The following ARFGAP3 variants were observed in gnomAD, a reference collection of about 807,000 sequenced individuals.
The protein encoded by ARFGAP3 is ADP-ribosylation factor GTPase-activating protein 3.
Under a neutral mutation model 75.0 loss-of-function variants are expected in ARFGAP3, and 72 were observed. The observed-to-expected ratio is 0.96, with a 90% CI of 0.79 to 1.17. The LOEUF is 1.17. Ranked by LOEUF, ARFGAP3 falls within the 50% of genes most tolerant of loss-of-function variation. The pLI, the probability that ARFGAP3 is intolerant of heterozygous loss-of-function variation, is 0.00. For missense variants in ARFGAP3, 620 were observed against 626.6 expected, an observed-to-expected ratio of 0.99 and a Z score of 0.11; for synonymous variants, 221 against 217.9, an observed-to-expected ratio of 1.01 and a Z score of -0.13.
chr22:42,831,871 C>T (rs1287409168), intron 5 of ARFGAP3: 3 of 382,404 alleles, frequency 7.8e-6, no homozygotes, highest in Non-Finnish European at 7.2e-6. Flanking sequence ...GAGCCTTGAC[C>T]TCCCAGGCTC....
intron 3 of ARFGAP3, among the ~76,000 whole-genome samples, chr22:42,837,336 A>T (rs911878728): frequency 6.6e-6 from 1 of 151,770 alleles, no homozygotes; most frequent in African/African-American, 2.4e-5. Context: ...AATAAGAAAC[A>T]CTGGCTGGGC....
rs985496618 is a variant in ARFGAP3, at chr22:42,796,871, G to C, written c.*717C>G. On this transcript the variant is annotated 3_prime_UTR_variant, in exon 16 of 16. Transcript: ENST00000263245. ...TGTATACCGTATTGATTTGTGATGA[G>C]ATGATTTATTATGAGAACTCTTAGG... The C allele has an allele frequency of 7.2e-5, 11 of 152,268 alleles. No homozygotes were observed. The highest frequency in any genetic ancestry group is 6.5e-4 in the Admixed American group (10 of 15,286). 9.4% of individuals were successfully genotyped at this position (152,268 alleles called of 1,614,324 possible).
intron 2 of ARFGAP3, among the ~76,000 whole-genome samples, chr22:42,843,767 G>A (rs1926886044): frequency 1.3e-5 from 2 of 152,146 alleles, no homozygotes; most frequent in South Asian, 2.1e-4. Context: ...CATGAAATAC[G>A]TAACGGCAAA....
rs116222855 is a variant in ARFGAP3, at chr22:42,814,120, G to A, written c.1064+3022C>T. On this transcript the variant is annotated intron_variant, in intron 11 of 15. Transcript: ENST00000263245. ...CTTGTACTCAATATATAATTATACT[G>A]TTTATATCCTAGAAATAATGGAACT... Among the ~76,000 whole-genome samples, 255 of 152,090 alleles carry A rather than the reference G, an allele frequency of 1.7e-3. 1 individual carries two copies. Among genetic ancestry groups the A allele is most frequent in the African/African-American group, 5.8e-3 (241 of 41,482 alleles).
At chr22:42,817,692 T>A in intron 10 of ARFGAP3, 37 bp downstream of exon 10, 2 of 1,524,846 alleles carry the variant, frequency 1.3e-6, no homozygotes, top group Non-Finnish European at 1.8e-6. Flanking sequence ...TGACACACTG[T>A]TTTAAATTCT....
chr22:42,801,567 C>G (rs372513728), intron 14 of ARFGAP3, among the ~76,000 whole-genome samples: 2 of 152,214 alleles, frequency 1.3e-5, no homozygotes, highest in African/African-American at 4.8e-5. Context: ...AAGGCTTGTG[C>G]TGGAGGCGGA....
In ARFGAP3 at chr22:42,823,823, T is replaced by G; in HGVS notation, c.626-121A>C. 2.5e-6 allele frequency: 3 copies of G among 1,204,596 alleles called. No homozygotes were observed. The South Asian group carries it at 5.9e-5, about 24-fold the overall frequency. The allele number at this position is 1,204,596 out of a possible 1,614,324, so 74.6% of individuals were successfully genotyped here. A position where few individuals can be genotyped will look rare whatever the true frequency, so the allele number is the denominator to read the frequency against. On this transcript the variant is annotated intron_variant, in intron 7 of 15. Coordinates refer to ENST00000263245, the MANE Select transcript of ARFGAP3 (RefSeq NM_014570.5). ...TTAAGAGATGATAACATTTTCCACTTTAGTTTCTCATCCAGAAGACTCAAG... is the reference window on the plus strand; with the variant it reads ...TTAAGAGATGATAACATTTTCCACTGTAGTTTCTCATCCAGAAGACTCAAG...
chr22:42,822,285 G>A lies in ARFGAP3; in HGVS notation c.797C>T (p.Ser266Phe). ...KEQEDLAKVV[S>F]KEESIVSSLR... ...TTAAACTTACATTGATTCTTCTTTA[G>A]ATACCACCTTGGCCAGGTCTTCCTG... The change falls in exon 9 of 16, where the codon TCT becomes TTT. Residue 266 changes from serine to phenylalanine, a missense_variant. Coordinates refer to ENST00000263245, the MANE Select transcript of ARFGAP3 (RefSeq NM_014570.5). 1 of 1,613,008 alleles carries A rather than the reference G, an allele frequency of 6.2e-7. No homozygotes were observed. Among genetic ancestry groups the A allele is most frequent in the South Asian group, 1.1e-5 (1 of 90,998 alleles).
At chr22:42,848,973 C>T (rs1927148856) in intron 1 of ARFGAP3, among the ~76,000 whole-genome samples, 1 of 152,202 alleles carries the variant, frequency 6.6e-6, no homozygotes, top group South Asian at 2.1e-4. Flanking sequence ...TCCCTCCCCA[C>T]CTTGGATCAC....
At chr22:42,845,145 A>G (rs1412665816) in intron 2 of ARFGAP3, among the ~76,000 whole-genome samples, 1 of 152,222 alleles carries the variant, frequency 6.6e-6, no homozygotes, top group Admixed American at 6.5e-5. Flanking sequence ...GAAGGAAGAG[A>G]AGTAACTAGG....
intron 9 of ARFGAP3, among the ~76,000 whole-genome samples, chr22:42,821,588 A>G (rs1395968401): frequency 6.6e-6 from 1 of 152,224 alleles, no homozygotes; most frequent in Admixed American, 6.5e-5. Context: ...GTAATAGTCC[A>G]TTGTATGGAC....
chr22:42,821,303 A>G (rs563467121), intron 9 of ARFGAP3, among the ~76,000 whole-genome samples: 1 of 152,338 alleles, frequency 6.6e-6, no homozygotes, highest in East Asian at 1.9e-4. Flanking sequence ...ACATTCACAA[A>G]GCTGTGCCAT....
Position 42,827,016 on chromosome 22 carries a change from T to C in ARFGAP3, c.566-17A>G, listed in dbSNP as rs768813733. On this transcript the variant is annotated splice_polypyrimidine_tract_variant and intron_variant, in intron 6 of 15. Coordinates refer to ENST00000263245, the MANE Select transcript of ARFGAP3 (RefSeq NM_014570.5). ...CTTGTCCACCTGAAAATTCAAAACA[T>C]TGATATTAGCGCAGAAAATATACTC... 1.9e-6 allele frequency: 3 copies of C among 1,612,866 alleles called. No individual in the cohort carries two copies. The African/African-American group carries it at 4.0e-5, about 22-fold the overall frequency.
rs1925236205 is a variant in ARFGAP3 at position 42,808,771 on chromosome 22, G to A, written c.1316C>T (p.Ala439Val). The A allele has an allele frequency of 6.2e-7, 1 of 1,610,798 alleles. No individual in the cohort carries two copies. The highest frequency in any genetic ancestry group is 1.3e-5 in the African/African-American group (1 of 74,828). ...SDMYFGRQSQ[A>V]DYETRARLER... ...AGAAACTCTCTGGACCCTTACATCAGCCTGGGATTGTCTTCCAAAATACAT... is the reference window on the plus strand; with the variant it reads ...AGAAACTCTCTGGACCCTTACATCAACCTGGGATTGTCTTCCAAAATACAT... The change falls in exon 13 of 16, where the codon GCT becomes GTT. Residue 439 changes from alanine (A) to valine (V), a missense_variant. Physicochemically the swap from Ala to Val is moderately conservative, Grantham distance 64 (BLOSUM62 0). Coordinates refer to ENST00000263245, the MANE Select transcript of ARFGAP3 (RefSeq NM_014570.5).
intron 3 of ARFGAP3, among the ~76,000 whole-genome samples, chr22:42,838,290 A>ATATATATTT (rs1555899059): frequency 1.5e-5 from 2 of 137,184 alleles, no homozygotes; most frequent in Non-Finnish European, 3.1e-5. Context: ...ATATATATAT[A>ATATATATTT]TTTTTTTTTT....
intron 1 of ARFGAP3, 79 bp from the exon 2 acceptor site, chr22:42,847,711 G>C: frequency 6.6e-7 from 1 of 1,515,200 alleles, no homozygotes; most frequent in Non-Finnish European, 8.9e-7. Context: ...AAATGACTTA[G>C]CTTGAAAACT....
chr22:42,806,992 A>G, intron 14 of ARFGAP3, 81 bp downstream of exon 14: 1 of 1,335,512 alleles, frequency 7.5e-7, no homozygotes, highest in Non-Finnish European at 1.0e-6. Context: ...AATATCTTGG[A>G]AAAGGAAACA....
intron 3 of ARFGAP3, among the ~76,000 whole-genome samples, chr22:42,839,278 A>G (rs1034486615): frequency 1.3e-5 from 2 of 152,068 alleles, no homozygotes; most frequent in African/African-American, 4.8e-5. Flanking sequence ...TTAACACACA[A>G]TATTTGCTAT....
chr22:42,826,512 T>C (rs968246151), intron 7 of ARFGAP3, among the ~76,000 whole-genome samples: 2 of 152,046 alleles, frequency 1.3e-5, no homozygotes, highest in Admixed American at 1.3e-4. Context: ...CCCAAGTAGC[T>C]GGGACTACAG....
Sources: gnomAD v4.1 joint callset for allele counts (sites outside exome capture counted in the v4.1 genomes callset) on GRCh38, gnomAD v4.1.1 for gene constraint, MANE v1.5 for transcripts, NCBI Gene and HGNC (gene_info 2026-07-23, HGNC 2026-07-21) for gene names.